MAGI2: variants seen among roughly 807,000 people sequenced by gnomAD.
MAGI2 encodes membrane-associated guanylate kinase, WW and PDZ domain-containing protein 2.
MAGI2 carries 35 observed loss-of-function variants against 133.3 expected under a neutral mutation model. That is an observed-to-expected ratio of 0.26 (90% CI 0.20 to 0.35). The LOEUF (loss-of-function observed/expected upper bound fraction) is 0.35, where lower values mean the gene tolerates loss of function less well. Ranked by LOEUF, MAGI2 falls within the 10% of genes least tolerant of loss-of-function variation. The pLI is 1.00. For missense variants in MAGI2, 1,636 were observed against 1,863.4 expected, an observed-to-expected ratio of 0.88 and a Z score of 2.25; for synonymous variants, 729 against 710.6, an observed-to-expected ratio of 1.03 and a Z score of -0.41.
At chr7:78,504,105 G>T (rs956213538) in intron 4 of MAGI2, among the ~76,000 whole-genome samples, 1 of 152,172 alleles carries the variant, frequency 6.6e-6, no homozygotes, top group African/African-American at 2.4e-5. Flanking sequence ...TGAAGACCTA[G>T]TAAGACCATG....
intron 2 of MAGI2, among the ~76,000 whole-genome samples, chr7:78,674,866 T>C (rs1437047183): frequency 6.6e-6 from 1 of 152,124 alleles, no homozygotes; most frequent in Non-Finnish European, 1.5e-5. Flanking sequence ...TTTGAACACA[T>C]ACATAGAAAA....
intron 2 of MAGI2, among the ~76,000 whole-genome samples, chr7:78,664,920 C>T (rs1585016238): frequency 6.6e-6 from 1 of 151,962 alleles, no homozygotes; most frequent in East Asian, 1.9e-4. Context: ...ATTCATTCTT[C>T]CTTACTTTAT....
intron 1 of MAGI2, among the ~76,000 whole-genome samples, chr7:79,402,158 T>C (rs1845511024): frequency 6.6e-6 from 1 of 152,230 alleles, no homozygotes; most frequent in South Asian, 2.1e-4. Context: ...GCTCTATAGT[T>C]CTAGGAAAAT....
chr7:78,774,081 G>A (rs1825796349), intron 2 of MAGI2, among the ~76,000 whole-genome samples: 3 of 152,088 alleles, frequency 2.0e-5, no homozygotes, highest in South Asian at 4.1e-4. Flanking sequence ...GGAAACACTG[G>A]TTTTGTAGTG....
intron 3 of MAGI2, among the ~76,000 whole-genome samples, chr7:78,523,849 A>G (rs954315928): frequency 1.3e-5 from 2 of 152,174 alleles, no homozygotes; most frequent in Non-Finnish European, 2.9e-5. Context: ...GACACAGCCA[A>G]GCCATATCAA....
chr7:78,596,182 G>T (rs1246702638), intron 3 of MAGI2, among the ~76,000 whole-genome samples: 1 of 36,668 alleles, frequency 2.7e-5, no homozygotes, highest in Non-Finnish European at 8.7e-5. Flanking sequence ...AATGAAGGAA[G>T]GGAGGGAGGG....
At chr7:78,161,468 C>T (rs1384618975) in intron 15 of MAGI2, among the ~76,000 whole-genome samples, 1 of 151,678 alleles carries the variant, frequency 6.6e-6, no homozygotes. Flanking sequence ...AAATAATCAC[C>T]ATTAATTATT....
intron 1 of MAGI2, among the ~76,000 whole-genome samples, chr7:79,186,671 T>C (rs1827171953): frequency 7.3e-6 from 1 of 137,040 alleles, no homozygotes; most frequent in East Asian, 2.1e-4. Context: ...AAAGGACGTT[T>C]ACATTTTATA....
Position 78,019,938 on chromosome 7 carries a change from G to A in MAGI2, c.3745C>T (p.Pro1249Ser). ...GAGACGCCTACTTCCGGCAGACCTGGGGCGGCGGCAGCGGGAGAACTCCAG... is the reference window on the plus strand; with the variant it reads ...GAGACGCCTACTTCCGGCAGACCTGAGGCGGCGGCAGCGGGAGAACTCCAG... ...APWSSPAAAA[P>S]GLPEVGVSLD... Residue 1249 changes from proline (P) to serine (S), a missense_variant, in exon 22 of 22, where the codon CCA (proline) becomes TCA (serine). Coordinates refer to ENST00000354212, the MANE Select transcript of MAGI2 (RefSeq NM_012301.4). 1 of 1,609,318 alleles carries A rather than the reference G, an allele frequency of 6.2e-7. No individual in the cohort carries two copies. The highest frequency in any genetic ancestry group is 8.5e-7 in the Non-Finnish European group (1 of 1,178,340).
intron 6 of MAGI2, among the ~76,000 whole-genome samples, chr7:78,470,961 G>A (rs1330234301): frequency 6.6e-6 from 1 of 152,100 alleles, no homozygotes; most frequent in Non-Finnish European, 1.5e-5. Flanking sequence ...TTAGTGGCAG[G>A]AGTAAATTTT....
chr7:78,309,331 T>C (rs971616992), intron 9 of MAGI2, among the ~76,000 whole-genome samples: 4 of 152,162 alleles, frequency 2.6e-5, no homozygotes, highest in African/African-American at 9.7e-5. Context: ...ATATGATACA[T>C]ATACACCATG....
chr7:79,400,853 C>T (rs1008336544), intron 1 of MAGI2, among the ~76,000 whole-genome samples: 3 of 151,960 alleles, frequency 2.0e-5, no homozygotes, highest in African/African-American at 7.3e-5. Flanking sequence ...GCACAGCTAT[C>T]CTGATGTTGA....
At chr7:79,273,949 G>A (rs117865316) in intron 1 of MAGI2, among the ~76,000 whole-genome samples, 1,694 of 152,120 alleles carry the variant, frequency 0.011, 10 homozygotes, top group Non-Finnish European at 0.018. Context: ...AAAATTCCCT[G>A]ATTCGACCAA....
intron 1 of MAGI2, among the ~76,000 whole-genome samples, chr7:79,273,643 G>T (rs1305818592): frequency 7.7e-6 from 1 of 130,480 alleles, no homozygotes; most frequent in African/African-American, 2.6e-5. Context: ...CACTATAGAT[G>T]GTGGGGTGTT....
At chr7:78,572,725 C>T (rs1051515792) in intron 3 of MAGI2, among the ~76,000 whole-genome samples, 11 of 151,850 alleles carry the variant, frequency 7.2e-5, no homozygotes, top group African/African-American at 2.2e-4. Context: ...TGCCATGGTG[C>T]GATCTTGGCT....
chr7:78,658,961 T>C (rs771443714), intron 2 of MAGI2, among the ~76,000 whole-genome samples: 7 of 152,144 alleles, frequency 4.6e-5, no homozygotes, highest in Non-Finnish European at 8.8e-5. Flanking sequence ...AATTGCACTG[T>C]TGGGCATTTA....
At chr7:78,455,457 A>G (rs1260487746) in intron 6 of MAGI2, among the ~76,000 whole-genome samples, 1 of 152,180 alleles carries the variant, frequency 6.6e-6, no homozygotes, top group East Asian at 1.9e-4. Context: ...AACAATGTAG[A>G]CAGAATAAGA....
At chr7:78,045,451 C>A (rs976617955) in intron 21 of MAGI2, among the ~76,000 whole-genome samples, 1 of 152,248 alleles carries the variant, frequency 6.6e-6, no homozygotes. Flanking sequence ...TGACCTTGAG[C>A]AGCTCACATT....
rs772726451 is a variant in MAGI2, at chr7:78,573,302, T to A, written c.539-51657A>T. 1.9e-3 allele frequency among the ~76,000 whole-genome samples: 67 copies of A among 34,806 alleles called. 2 individuals are homozygous for A. The highest frequency in any genetic ancestry group is 3.4e-3 in the African/African-American group (20 of 5,800). The allele number at this position is 34,806 out of a possible 152,430, so 22.8% of individuals were successfully genotyped here. ...TATATATTTATATAAATATATATAT[T>A]TATATATATAAATATATAAATATAT... On this transcript the variant is annotated intron_variant, in intron 3 of 21. Transcript: ENST00000354212.
Sources: allele counts gnomAD v4.1 joint callset (sites outside exome capture counted in the v4.1 genomes callset), GRCh38; gene constraint gnomAD v4.1.1; transcripts MANE v1.5; gene names NCBI Gene and HGNC (gene_info 2026-07-23, HGNC 2026-07-21).